MYO18B: variants seen among roughly 807,000 people sequenced by gnomAD.
MYO18B encodes the protein unconventional myosin-XVIIIb.
A neutral mutation model predicts 273.0 loss-of-function variants in MYO18B; 204 were observed. The ratio of observed to expected loss-of-function variants is 0.75; its 90% CI spans 0.67 to 0.84. The LOEUF is 0.84. Among genes scored for constraint, MYO18B ranks in the 40% least tolerant of loss-of-function variants. The pLI, the probability that MYO18B is intolerant of heterozygous loss-of-function variation, is 0.00. For missense variants in MYO18B, 3,212 were observed against 3,287.6 expected (o/e 0.98, Z 0.56); for synonymous variants, 1,330 against 1,305.7 (o/e 1.02, Z -0.40).
At chr22:26,014,164 A>G (rs1012518128) in intron 42 of MYO18B, among the ~76,000 whole-genome samples, 6 of 152,140 alleles carry the variant, frequency 3.9e-5, no homozygotes, top group Non-Finnish European at 8.8e-5. Flanking sequence ...TCATGAATTG[A>G]TACTTATTTG....
At chr22:25,976,485 T>C (rs1218800458) in intron 39 of MYO18B, among the ~76,000 whole-genome samples, 1 of 152,220 alleles carries the variant, frequency 6.6e-6, no homozygotes, top group African/African-American at 2.4e-5. Context: ...ACTCTGTTAA[T>C]ATCCTTGTGC....
intron 39 of MYO18B, chr22:25,959,179 C>T (rs1300816869): frequency 1.3e-5 from 2 of 151,994 alleles, no homozygotes; most frequent in Non-Finnish European, 2.9e-5. Flanking sequence ...TTTTAGAAGG[C>T]CAGTTGGCAC....
intron 39 of MYO18B, among the ~76,000 whole-genome samples, chr22:25,985,624 G>C (rs1022582138): frequency 6.6e-6 from 1 of 151,568 alleles, no homozygotes; most frequent in East Asian, 2.0e-4. Flanking sequence ...TTCACAGGGC[G>C]TTTTTTATTT....
chr22:26,014,240 T>G (rs1300268069), intron 42 of MYO18B, among the ~76,000 whole-genome samples: 3 of 152,226 alleles, frequency 2.0e-5, no homozygotes, highest in Non-Finnish European at 4.4e-5. Context: ...GATATTGAGT[T>G]GGTCTAGCAC....
chr22:25,985,078 A>T (rs933624844), intron 39 of MYO18B, among the ~76,000 whole-genome samples: 2 of 152,204 alleles, frequency 1.3e-5, no homozygotes, highest in African/African-American at 4.8e-5. Context: ...GGGACCTTTG[A>T]TGAGTCTCTC....
At position 26,026,588 on chromosome 22, in the gene MYO18B, T is replaced by C; in HGVS notation, c.6614T>C (p.Phe2205Ser). 2.5e-6 allele frequency: 4 copies of C among 1,613,860 alleles called. No homozygotes were observed. Among genetic ancestry groups the C allele is most frequent in the Non-Finnish European group, 3.4e-6 (4 of 1,179,864 alleles). Reference sequence around the variant, plus strand: ...GTCCGCCGGCAAAAGTACTGTCATTTTGGGGACGGCGAAGTGCTTGCCGTC... The same window carrying C: ...GTCCGCCGGCAAAAGTACTGTCATTCTGGGGACGGCGAAGTGCTTGCCGTC... ...HFVRRQKYCH[F>S]GDGEVLAVQR... The change falls in exon 43 of 44, where the codon TTT (phenylalanine) becomes TCT (serine). Residue 2205 changes from phenylalanine to serine, a missense_variant. Physicochemically the swap from Phe to Ser is radical, Grantham distance 155. Transcript: ENST00000335473.
At chr22:25,830,342 C>T (rs6004784) in intron 15 of MYO18B, among the ~76,000 whole-genome samples, 14,350 of 152,072 alleles carry the variant, frequency 0.094, 1,525 homozygotes, top group African/African-American at 0.26. Context: ...AATAATGCTG[C>T]GTAATAAACT....
chr22:26,033,013 T>A (rs1194640673), downstream of MYO18B, among the ~76,000 whole-genome samples: 1 of 152,220 alleles, frequency 6.6e-6, no homozygotes, highest in Non-Finnish European at 1.5e-5. Flanking sequence ...TTATACAGAA[T>A]AATTTACTAT....
chr22:26,020,077 A>G (rs1465667817), intron 42 of MYO18B, among the ~76,000 whole-genome samples: 1 of 152,186 alleles, frequency 6.6e-6, no homozygotes, highest in Non-Finnish European at 1.5e-5. Context: ...GTTCAAATGC[A>G]GGCCCTGCCA....
chr22:25,976,597 G>T (rs2093092447), intron 39 of MYO18B, among the ~76,000 whole-genome samples: 1 of 152,076 alleles, frequency 6.6e-6, no homozygotes, highest in Non-Finnish European at 1.5e-5. Context: ...TGCTGTTTAT[G>T]TTGCATGCTC....
intron 39 of MYO18B, among the ~76,000 whole-genome samples, chr22:25,972,332 T>A (rs564922824): frequency 1.3e-5 from 2 of 152,160 alleles, no homozygotes; most frequent in African/African-American, 4.8e-5. Flanking sequence ...TTAAGTTGCA[T>A]TATGTATAGC....
At chr22:25,829,465 CTG>C (rs1051325160) in intron 15 of MYO18B, among the ~76,000 whole-genome samples, 1 of 150,636 alleles carries the variant, frequency 6.6e-6, no homozygotes, top group African/African-American at 2.4e-5. Flanking sequence ...GAGAGAAACT[CTG>C]TGTGTGAACC....
At chr22:25,937,336 G>T (rs891927300) in intron 34 of MYO18B, among the ~76,000 whole-genome samples, 1 of 151,968 alleles carries the variant, frequency 6.6e-6, no homozygotes, top group Non-Finnish European at 1.5e-5. Context: ...CGTTTGCCTC[G>T]GCCTCCCAAA....
intron 25 of MYO18B, among the ~76,000 whole-genome samples, chr22:25,878,555 G>T (rs907892102): frequency 2.6e-5 from 4 of 152,252 alleles, no homozygotes; most frequent in Middle Eastern, 3.4e-3. Context: ...TAATATGAAT[G>T]GGCAGTTCCC....
chr22:25,911,169 A>G (rs2092151207), intron 33 of MYO18B, 119 bp downstream of exon 33: 1 of 744,742 alleles, frequency 1.3e-6, no homozygotes, highest in African/African-American at 1.7e-5. Flanking sequence ...TGTTCCCACC[A>G]TATTCACTGG....
chr22:26,049,839 G>T, the MYO18B span, among the ~76,000 whole-genome samples: 1 of 152,216 alleles, frequency 6.6e-6, no homozygotes, highest in Non-Finnish European at 1.5e-5. Flanking sequence ...CCTGCCCTGA[G>T]AATTCAGTGG....
chr22:25,814,133 A>C (rs1022569242), intron 12 of MYO18B, among the ~76,000 whole-genome samples: 1 of 151,994 alleles, frequency 6.6e-6, no homozygotes, highest in African/African-American at 2.4e-5. Flanking sequence ...TGGAGTGAGG[A>C]GATTAGGACA....
chr22:25,764,101 AGG>A (rs1305351773), intron 3 of MYO18B, among the ~76,000 whole-genome samples: 1 of 152,252 alleles, frequency 6.6e-6, no homozygotes, highest in Admixed American at 6.5e-5. Flanking sequence ...TGCTTGGCAC[AGG>A]TAGGAACCTC....
chr22:26,063,797 G>T, the MYO18B span, among the ~76,000 whole-genome samples: 3 of 152,146 alleles, frequency 2.0e-5, no homozygotes, highest in South Asian at 6.2e-4. Flanking sequence ...ACCATAAAGG[G>T]TTAAGAACTA....
Sources: allele counts gnomAD v4.1 joint callset (sites outside exome capture counted in the v4.1 genomes callset), GRCh38; gene constraint gnomAD v4.1.1; transcripts MANE v1.5; gene names NCBI Gene and HGNC (gene_info 2026-07-23, HGNC 2026-07-21).